The following UIMC1 variants were observed in gnomAD, a reference collection of about 807,000 sequenced individuals.
UIMC1 encodes the protein BRCA1-A complex subunit RAP80.
A neutral mutation model predicts 84.9 loss-of-function variants in UIMC1; 42 were observed. The ratio of observed to expected loss-of-function variants is 0.49; its 90% CI spans 0.39 to 0.64. The LOEUF (loss-of-function observed/expected upper bound fraction) is 0.64. Ranked by LOEUF, UIMC1 falls within the 30% of genes least tolerant of loss-of-function variation. The probability of loss-of-function intolerance (pLI) is 0.00; values close to 1 mark genes in which losing one functional copy is unlikely to be tolerated. For synonymous variants in UIMC1, 281 were observed against 293.0 expected (o/e 0.96, Z 0.42); for missense variants, 825 against 847.6 (o/e 0.97, Z 0.33).
At chr5:176,948,791 C>A (rs1765453030) in intron 9 of UIMC1, among the ~76,000 whole-genome samples, 2 of 152,162 alleles carry the variant, frequency 1.3e-5, no homozygotes. Flanking sequence ...AATTGCAATG[C>A]TCGAGCTCCT....
intron 3 of UIMC1, 28 bp downstream of exon 3, chr5:176,975,368 A>T: frequency 1.2e-6 from 2 of 1,609,570 alleles, no homozygotes; most frequent in African/African-American, 2.7e-5. Context: ...ACAATTCCCA[A>T]ACCATTATCA....
At chr5:176,994,567 GGAA>G (rs1773318091) in intron 1 of UIMC1, among the ~76,000 whole-genome samples, 1 of 151,210 alleles carries the variant, frequency 6.6e-6, no homozygotes, top group Non-Finnish European at 1.5e-5. Flanking sequence ...TTCTGTTGCA[GGAA>G]TCTGGAGACT....
In UIMC1 at chr5:176,970,963, A is replaced by G. The variant is rs1477502256; in HGVS notation, c.233-97T>C. The G allele has an allele frequency of 1.2e-5, 17 of 1,443,938 alleles. No individual in the cohort carries two copies. The South Asian group carries it at 1.9e-4, about 16-fold the overall frequency. 89.4% of individuals were successfully genotyped at this position (1,443,938 alleles called of 1,614,324 possible). ...ATTATTAAACTTTTCAACTGAAGAC[A>G]CTACCAGACCACTTAGTACAATTTT... On this transcript the variant is annotated intron_variant, in intron 3 of 14. Transcript: ENST00000511320.
chr5:176,985,828 GA>G, intron 1 of UIMC1, among the ~76,000 whole-genome samples: 1 of 152,178 alleles, frequency 6.6e-6, no homozygotes, highest in East Asian at 1.9e-4. Flanking sequence ...ACTAGGTTAA[GA>G]TTTTTTAAAT....
At chr5:176,927,953 G>A (rs1050679097) in intron 10 of UIMC1, among the ~76,000 whole-genome samples, 1 of 151,104 alleles carries the variant, frequency 6.6e-6, no homozygotes, top group Non-Finnish European at 1.5e-5. Flanking sequence ...CTGGGTTCAC[G>A]TGATTCTCCT....
intron 2 of UIMC1, among the ~76,000 whole-genome samples, chr5:176,981,008 T>C (rs1770947591): frequency 6.6e-6 from 1 of 152,202 alleles, no homozygotes; most frequent in African/African-American, 2.4e-5. Flanking sequence ...CCCGAAGCAC[T>C]GGGATTATAG....
rs1231900545 is a variant in UIMC1, at chr5:176,930,276, C to A, written c.1597+13059G>T. ...CTTTTTATACAAACACACAGTTTTA[C>A]CACAAATTATTAAAAAATATATTGA... On this transcript the variant is annotated intron_variant, in intron 10 of 14. Coordinates refer to ENST00000511320, the MANE Select transcript of UIMC1 (RefSeq NM_001199298.2). Among the ~76,000 whole-genome samples, 3 of 152,028 alleles carry A rather than the reference C, an allele frequency of 2.0e-5. No homozygotes were observed. In the East Asian group the frequency reaches 5.8e-4, roughly 29 times the overall value.
intron 10 of UIMC1, among the ~76,000 whole-genome samples, chr5:176,918,648 T>C (rs1581374133): frequency 6.6e-6 from 1 of 152,306 alleles, no homozygotes; most frequent in Non-Finnish European, 1.5e-5. Context: ...CTCTCTAATG[T>C]TCTTACACCA....
At chr5:176,972,932 T>C (rs1306242885) in intron 3 of UIMC1, among the ~76,000 whole-genome samples, 2 of 151,358 alleles carry the variant, frequency 1.3e-5, no homozygotes, top group East Asian at 3.9e-4. Flanking sequence ...TTTTTTTTTT[T>C]TGAAATGGCG....
chr5:176,936,567 T>C (rs919663723), intron 10 of UIMC1, among the ~76,000 whole-genome samples: 1 of 152,196 alleles, frequency 6.6e-6, no homozygotes, highest in Admixed American at 6.5e-5. Context: ...AAAGTCCTTA[T>C]TATGGCCTAA....
chr5:176,945,971 G>A (rs1405601593), intron 9 of UIMC1, among the ~76,000 whole-genome samples: 4 of 152,086 alleles, frequency 2.6e-5, no homozygotes, highest in Non-Finnish European at 4.4e-5. Context: ...CTTCTACATA[G>A]AAATGTACTG....
chr5:176,986,117 T>C (rs1771943825), intron 1 of UIMC1, among the ~76,000 whole-genome samples: 1 of 151,240 alleles, frequency 6.6e-6, no homozygotes, highest in African/African-American at 2.4e-5. Context: ...GTCTACAGGA[T>C]AGAAGGCCGT....
chr5:176,951,550 A>T lies in UIMC1; in HGVS notation c.1367T>A (p.Phe456Tyr). The change falls in exon 9 of 15, where the codon TTT (phenylalanine) becomes TAT (tyrosine). Residue 456 changes from phenylalanine to tyrosine, a missense_variant. Coordinates refer to ENST00000511320, the MANE Select transcript of UIMC1 (RefSeq NM_001199298.2). ...TGGAGAGACTTCTCTTTCAAGGTCA[A>T]AAGTTTCAGAGGAACTTAGCTGGGT... Reference protein sequence around the residue: ...PETQLSSSETFDLEREVSPGS... With the variant: ...PETQLSSSETYDLEREVSPGS... 6.3e-7 allele frequency: 1 copy of T among 1,592,928 alleles called. No individual in the cohort carries two copies. The highest frequency in any genetic ancestry group is 8.5e-7 in the Non-Finnish European group (1 of 1,171,272).
intron 6 of UIMC1, among the ~76,000 whole-genome samples, chr5:176,963,728 C>A (rs1447484972): frequency 6.6e-6 from 1 of 151,902 alleles, no homozygotes; most frequent in East Asian, 1.9e-4. Context: ...ATTCTGGTCA[C>A]TGAAAATGTC....
intron 10 of UIMC1, among the ~76,000 whole-genome samples, chr5:176,942,091 C>T (rs139597493): frequency 4.6e-5 from 7 of 152,244 alleles, no homozygotes; most frequent in South Asian, 4.1e-4. Context: ...GTGACCCACC[C>T]GCCTCAGCCT....
intron 1 of UIMC1, among the ~76,000 whole-genome samples, chr5:177,013,403 A>ACAC (rs1561942062): frequency 8.7e-6 from 1 of 115,272 alleles, no homozygotes; most frequent in Non-Finnish European, 1.9e-5. Flanking sequence ...CACACACACA[A>ACAC]AGATACTTTC....
chr5:176,955,177 G>T lies in UIMC1; in HGVS notation c.1339+782C>A, dbSNP rs2055618. On this transcript the variant is annotated intron_variant, in intron 8 of 14. Coordinates refer to ENST00000511320, the MANE Select transcript of UIMC1 (RefSeq NM_001199298.2). ...CAATGATTCAGGAGTTTCTTAGATG[G>T]TAAGTATCTTAGTTCATTTTACATT... is the stretch of plus-strand genomic sequence containing the variant. Among the ~76,000 whole-genome samples, 1,307 of 152,244 alleles carry T rather than the reference G, an allele frequency of 8.6e-3. 15 individuals are homozygous for T. Among genetic ancestry groups the T allele is most frequent in the African/African-American group, 0.03 (1,259 of 41,534 alleles).
At position 177,022,478 on chromosome 5, in the gene UIMC1, G is replaced by A. The variant is rs1021665652; in HGVS notation, c.-23C>T. ...CAAGGGCTGACCGTGAGCAAGGTGA[G>A]AGCCATGAGCCAAAACCACACGAGC... On this transcript the variant is annotated 5_prime_UTR_variant, in exon 1 of 6. Transcript: ENST00000509236. The A allele has an allele frequency of 3.3e-5, 15 of 459,204 alleles. No individual in the cohort carries two copies. In the Admixed American group the frequency reaches 3.7e-4, roughly 11 times the overall value. 28.4% of individuals were successfully genotyped at this position (459,204 alleles called of 1,614,324 possible). A position where few individuals can be genotyped will look rare whatever the true frequency, so the allele number is the denominator to read the frequency against.
upstream of UIMC1, among the ~76,000 whole-genome samples, chr5:177,008,194 T>A (rs138210613): frequency 9.1e-3 from 1,381 of 152,070 alleles, 8 homozygotes; most frequent in South Asian, 0.025. Context: ...ACAGGCACAT[T>A]ATTCTTAATA....
Sources: gnomAD v4.1 joint callset for allele counts (sites outside exome capture counted in the v4.1 genomes callset) on GRCh38, gnomAD v4.1.1 for gene constraint, MANE v1.5 for transcripts, NCBI Gene and HGNC (gene_info 2026-07-23, HGNC 2026-07-21) for gene names.